Variants in IPCEF1 observed in about 807,000 individuals in gnomAD.
The protein encoded by IPCEF1 is interactor protein for cytohesin exchange factors 1.
A neutral mutation model predicts 50.9 loss-of-function variants in IPCEF1; 31 were observed. That is an observed-to-expected ratio of 0.61 (90% CI 0.46 to 0.82). The LOEUF is 0.82. IPCEF1 is among the 40% of genes least tolerant of loss of function. The pLI is 0.00. For synonymous variants in IPCEF1, 181 were observed against 192.0 expected (o/e 0.94, Z 0.47); for missense variants, 458 against 514.0 (o/e 0.89, Z 1.05).
At chr6:154,327,780 T>C (rs753567980) in intron 1 of IPCEF1, among the ~76,000 whole-genome samples, 71 of 152,178 alleles carry the variant, frequency 4.7e-4, no homozygotes, top group Admixed American at 4.6e-3. Flanking sequence ...CATATGTTCA[T>C]TGCAGCACTA....
At chr6:154,248,125 T>G (rs1268262074) in intron 3 of IPCEF1, among the ~76,000 whole-genome samples, 1 of 152,234 alleles carries the variant, frequency 6.6e-6, no homozygotes, top group Non-Finnish European at 1.5e-5. Flanking sequence ...TAAATATCTC[T>G]GAATATTTCT....
chr6:154,267,146 A>AC (rs1781777322), intron 2 of IPCEF1, among the ~76,000 whole-genome samples: 9 of 20,974 alleles, frequency 4.3e-4, no homozygotes, highest in Admixed American at 3.5e-3. Flanking sequence ...TCTTAAAAAA[A>AC]AATTAAAACC....
At chr6:154,190,210 C>T (rs1039826247) in intron 10 of IPCEF1, among the ~76,000 whole-genome samples, 5 of 151,784 alleles carry the variant, frequency 3.3e-5, no homozygotes, top group Non-Finnish European at 5.9e-5. Context: ...AATAAAATGA[C>T]GTTTCACATT....
chr6:154,229,903 A>C (rs1044853480), intron 5 of IPCEF1, among the ~76,000 whole-genome samples: 2 of 152,240 alleles, frequency 1.3e-5, no homozygotes, highest in Non-Finnish European at 2.9e-5. Context: ...CAAACCAGTG[A>C]CGCTTGCTGA....
intron 1 of IPCEF1, among the ~76,000 whole-genome samples, chr6:154,347,236 T>C (rs749330585): frequency 2.0e-5 from 3 of 152,220 alleles, no homozygotes; most frequent in African/African-American, 4.8e-5. Flanking sequence ...CCTTATATTA[T>C]AGTATATTCC....
rs77203343 is a variant in IPCEF1 at position 154,247,857 on chromosome 6, C to G, written c.37-369G>C. On this transcript the variant is annotated intron_variant, in intron 3 of 11. Coordinates refer to ENST00000367220, the MANE Select transcript of IPCEF1 (RefSeq NM_001130700.2). Reference sequence around the variant, plus strand: ...TGTGAGAGAAGGAAAAATATATCTGCTTCTTTTGCAATTTCTAAATAACAA... The same window carrying G: ...TGTGAGAGAAGGAAAAATATATCTGGTTCTTTTGCAATTTCTAAATAACAA... Among the ~76,000 whole-genome samples, 1,202 of 152,262 alleles carry G rather than the reference C, an allele frequency of 7.9e-3. 11 individuals are homozygous for G. The highest frequency in any genetic ancestry group is 0.028 in the African/African-American group (1,147 of 41,534).
chr6:154,280,666 T>G (rs1042741286), intron 2 of IPCEF1, among the ~76,000 whole-genome samples: 7 of 152,164 alleles, frequency 4.6e-5, no homozygotes, highest in Admixed American at 6.5e-5. Context: ...CATAAAATTA[T>G]CACAAAATGC....
intron 1 of IPCEF1, among the ~76,000 whole-genome samples, chr6:154,352,550 C>G (rs751712843): frequency 1.2e-4 from 19 of 152,226 alleles, no homozygotes; most frequent in African/African-American, 1.9e-4. Flanking sequence ...CTGTGTCAGT[C>G]TGGGAGACCT....
chr6:154,160,200 G>A (rs1432467377), intron 11 of IPCEF1, among the ~76,000 whole-genome samples, 160 bp from the exon 12 acceptor site: 12 of 152,134 alleles, frequency 7.9e-5, no homozygotes, highest in African/African-American at 2.9e-4. Context: ...TAAGAAATAC[G>A]ACATTTGTTT....
chr6:154,160,161 C>T (rs1042792461), intron 11 of IPCEF1, 121 bp from the exon 12 acceptor site: 10 of 738,976 alleles, frequency 1.4e-5, no homozygotes, highest in Admixed American at 6.3e-5. Flanking sequence ...CATTTTTGCA[C>T]GTTAATGTTC....
At chr6:154,231,973 G>A (rs374607173) in intron 5 of IPCEF1, among the ~76,000 whole-genome samples, 7 of 152,180 alleles carry the variant, frequency 4.6e-5, no homozygotes, top group East Asian at 3.8e-4. Flanking sequence ...TTGACTATAC[G>A]TATTTCATGG....
intron 9 of IPCEF1, among the ~76,000 whole-genome samples, chr6:154,205,117 C>T (rs911716238): frequency 1.3e-5 from 2 of 152,208 alleles, no homozygotes; most frequent in African/African-American, 2.4e-5. Context: ...CTCCCAACCC[C>T]TGGCCACTCC....
At chr6:154,318,763 T>C (rs1182160806) in intron 1 of IPCEF1, among the ~76,000 whole-genome samples, 2 of 150,414 alleles carry the variant, frequency 1.3e-5, no homozygotes, top group East Asian at 2.0e-4. Context: ...ATATTTTCTA[T>C]ACAACATGCA....
intron 1 of IPCEF1, among the ~76,000 whole-genome samples, chr6:154,298,714 A>G (rs1323791834): frequency 6.6e-6 from 1 of 152,216 alleles, no homozygotes; most frequent in Admixed American, 6.5e-5. Context: ...CTGTAATCCC[A>G]GCACTTTGGG....
chr6:154,286,782 G>A (rs996028973), intron 2 of IPCEF1, among the ~76,000 whole-genome samples: 10 of 152,346 alleles, frequency 6.6e-5, no homozygotes, highest in Non-Finnish European at 8.8e-5. Flanking sequence ...AGGTGGAACC[G>A]AGGCAGTACA....
intron 7 of IPCEF1, among the ~76,000 whole-genome samples, chr6:154,220,300 G>C (rs1583832496): frequency 6.6e-6 from 1 of 152,212 alleles, no homozygotes; most frequent in Non-Finnish European, 1.5e-5. Context: ...CTGAGAATAG[G>C]GCTAAATCAA....
chr6:154,229,076 T>A (rs1034714769), intron 5 of IPCEF1, among the ~76,000 whole-genome samples: 1 of 152,204 alleles, frequency 6.6e-6, no homozygotes, highest in Non-Finnish European at 1.5e-5. Flanking sequence ...GGTGCCCCCA[T>A]GTCTGCCTCC....
In IPCEF1 at chr6:154,272,183, G is replaced by A. The variant is rs572320332; in HGVS notation, c.-17-6219C>T. Among the ~76,000 whole-genome samples the A allele has an allele frequency of 3.3e-5, 5 of 152,312 alleles. No homozygotes were observed. In the South Asian group the frequency reaches 1.0e-3, roughly 32 times the overall value. ...AATTAAACGAGATATCATATGGGAAGCACACAGGGCACAAGTGTGCATGCT... is the reference window on the plus strand; with the variant it reads ...AATTAAACGAGATATCATATGGGAAACACACAGGGCACAAGTGTGCATGCT... On this transcript the variant is annotated intron_variant, in intron 2 of 11. Transcript: ENST00000367220.
chr6:154,263,615 A>G (rs1781663595), intron 3 of IPCEF1, among the ~76,000 whole-genome samples: 1 of 89,976 alleles, frequency 1.1e-5, no homozygotes, highest in Admixed American at 1.3e-4. Flanking sequence ...CTTAGTACAG[A>G]ACAAAATGAA....
Sources: gnomAD v4.1 joint callset for allele counts (sites outside exome capture counted in the v4.1 genomes callset) on GRCh38, gnomAD v4.1.1 for gene constraint, MANE v1.5 for transcripts, NCBI Gene and HGNC (gene_info 2026-07-23, HGNC 2026-07-21) for gene names.